The following TLN2 variants were observed in gnomAD, a reference collection of about 807,000 sequenced individuals.
TLN2 encodes talin 2, also known as talin-2.
In TLN2, 118 loss-of-function variants were observed where a neutral mutation model predicts 294.7. That is an observed-to-expected ratio of 0.40 (90% CI 0.34 to 0.47). TLN2 has a LOEUF of 0.47. Among genes scored for constraint, TLN2 ranks in the 20% least tolerant of loss-of-function variants. The probability of loss-of-function intolerance (pLI) is 0.84; values close to 1 mark genes in which losing one functional copy is unlikely to be tolerated. For synonymous variants in TLN2, 1,431 were observed against 1,304.5 expected (o/e 1.10, Z -2.09); for missense variants, 3,083 against 3,282.2 (o/e 0.94, Z 1.48).
chr15:62,752,214 C>T, intron 34 of TLN2, 91 bp from the exon 35 acceptor site: 2 of 1,484,350 alleles, frequency 1.3e-6, no homozygotes, highest in Non-Finnish European at 1.8e-6. Flanking sequence ...AATTAAGTTG[C>T]CTTGAATATT....
intron 9 of TLN2, among the ~76,000 whole-genome samples, chr15:62,664,976 C>G (rs1357209420): frequency 1.4e-5 from 2 of 144,772 alleles, no homozygotes; most frequent in Non-Finnish European, 3.0e-5. Flanking sequence ...GCAGATATGA[C>G]AACATGTCAA....
At chr15:62,662,543 A>G (rs4591078) in intron 9 of TLN2, among the ~76,000 whole-genome samples, 145,096 of 152,230 alleles carry the variant, frequency 0.95, 69,478 homozygotes, top group Non-Finnish European at 1. Flanking sequence ...GTAAGTGCAA[A>G]TTATAACTAA....
chr15:62,409,605 G>A (rs1226799187), intron 1 of TLN2, among the ~76,000 whole-genome samples: 1 of 152,166 alleles, frequency 6.6e-6, no homozygotes, highest in Non-Finnish European at 1.5e-5. Flanking sequence ...AGCATTAATA[G>A]TATGTGAAAT....
At chr15:62,543,020 C>G (rs2041788853) in intron 1 of TLN2, among the ~76,000 whole-genome samples, 1 of 152,092 alleles carries the variant, frequency 6.6e-6, no homozygotes, top group South Asian at 2.1e-4. Context: ...GGACATATGT[C>G]AGCTTCAGAA....
At chr15:62,620,837 C>CTTTTTTTTTT (rs71129016) in intron 3 of TLN2, among the ~76,000 whole-genome samples, 10 of 66,416 alleles carry the variant, frequency 1.5e-4, no homozygotes, top group South Asian at 5.8e-4. Flanking sequence ...CTTTCTTTTT[C>CTTTTTTTTTT]TTTTTTTTTT....
At chr15:62,525,123 C>T (rs1467285316) in intron 1 of TLN2, among the ~76,000 whole-genome samples, 1 of 152,218 alleles carries the variant, frequency 6.6e-6, no homozygotes, top group African/African-American at 2.4e-5. Context: ...TGCCCAAGGT[C>T]ACACGATTCC....
At chr15:62,665,588 C>T (rs537533394) in intron 9 of TLN2, among the ~76,000 whole-genome samples, 36 of 152,222 alleles carry the variant, frequency 2.4e-4, no homozygotes, top group African/African-American at 8.4e-4. Context: ...CTCACAGCCC[C>T]GCTTCCTGTT....
At chr15:62,772,183 C>G (rs1488776385) in intron 42 of TLN2, among the ~76,000 whole-genome samples, 1 of 152,058 alleles carries the variant, frequency 6.6e-6, no homozygotes, top group Non-Finnish European at 1.5e-5. Context: ...TCTCAAACTC[C>G]CGGCCTCGAG....
intron 1 of TLN2, among the ~76,000 whole-genome samples, chr15:62,531,466 T>C (rs2041039271): frequency 6.6e-6 from 1 of 152,204 alleles, no homozygotes; most frequent in African/African-American, 2.4e-5. Context: ...GTCTTTTTTT[T>C]CATATGCTTT....
chr15:62,693,054 G>GCGTGAGCCAC, intron 13 of TLN2, 113 bp downstream of exon 13: 1 of 854,086 alleles, frequency 1.2e-6, no homozygotes. Context: ...TTGAGGCCAG[G>GCGTGAGCCAC]CATGGTGGCT....
At chr15:62,722,282 G>T in intron 25 of TLN2, 71 bp from the exon 26 acceptor site, 4 of 1,479,518 alleles carry the variant, frequency 2.7e-6, no homozygotes, top group Non-Finnish European at 3.7e-6. Flanking sequence ...TGGAGACCTC[G>T]CTGCTTAGGT....
chr15:62,582,246 A>ACACACACCCCCCCC (rs764248336), intron 1 of TLN2, among the ~76,000 whole-genome samples: 2 of 137,240 alleles, frequency 1.5e-5, no homozygotes, highest in East Asian at 2.3e-4. Context: ...ACACACACAC[A>ACACACACCCCCCCC]CATTCATGCC....
intron 2 of TLN2, among the ~76,000 whole-genome samples, chr15:62,613,288 G>A (rs1397393716): frequency 6.6e-6 from 1 of 152,174 alleles, no homozygotes; most frequent in East Asian, 1.9e-4. Flanking sequence ...TGTAATCTGT[G>A]TTGCAGGGAG....
intron 1 of TLN2, among the ~76,000 whole-genome samples, chr15:62,467,395 CAA>C (rs1429414347): frequency 2.6e-5 from 4 of 152,110 alleles, no homozygotes; most frequent in Admixed American, 6.6e-5. Context: ...ATATGGAAGA[CAA>C]GAGATTATTT....
chr15:62,724,681 A>G (rs377713256), intron 26 of TLN2, among the ~76,000 whole-genome samples: 75 of 152,316 alleles, frequency 4.9e-4, no homozygotes, highest in Middle Eastern at 6.8e-3. Context: ...GCCACAGTGA[A>G]TAAATGATCC....
At chr15:62,717,067 A>C (rs778536868) in intron 23 of TLN2, among the ~76,000 whole-genome samples, 1 of 152,140 alleles carries the variant, frequency 6.6e-6, no homozygotes, top group Non-Finnish European at 1.5e-5. Context: ...AGTCTGCTAT[A>C]TTCTGGAAGA....
chr15:62,781,127 C>A lies in TLN2; in HGVS notation c.5515-13C>A. On this transcript the variant is annotated splice_polypyrimidine_tract_variant and intron_variant, in intron 43 of 58. Coordinates refer to ENST00000636159, the MANE Select transcript of TLN2 (RefSeq NM_015059.3). ...TTCTTATGACCTTTGGATTCTTTTC[C>A]TCTCCTCTGTAGCTGGATGAAGGCA... 1.2e-6 allele frequency: 2 copies of A among 1,606,786 alleles called. No individual in the cohort carries two copies. The highest frequency in any genetic ancestry group is 1.7e-6 in the Non-Finnish European group (2 of 1,173,404).
intron 1 of TLN2, among the ~76,000 whole-genome samples, chr15:62,555,198 G>T (rs2140568528): frequency 6.6e-6 from 1 of 152,186 alleles, no homozygotes; most frequent in African/African-American, 2.4e-5. Context: ...AATGTTTCAA[G>T]GAAAAATATT....
intron 3 of TLN2, among the ~76,000 whole-genome samples, chr15:62,641,515 C>T (rs1199531283): frequency 6.6e-6 from 1 of 151,968 alleles, no homozygotes; most frequent in Non-Finnish European, 1.5e-5. Context: ...ACTCGGGAGG[C>T]TGAGGCAGGA....
Sources: gnomAD v4.1 joint callset for allele counts (sites outside exome capture counted in the v4.1 genomes callset) on GRCh38, gnomAD v4.1.1 for gene constraint, MANE v1.5 for transcripts, NCBI Gene and HGNC (gene_info 2026-07-23, HGNC 2026-07-21) for gene names.